UNC79: variants seen among roughly 807,000 people sequenced by gnomAD.
The protein encoded by UNC79 is protein unc-79 homolog.
In UNC79, 37 loss-of-function variants were observed where a neutral mutation model predicts 283.1. The ratio of observed to expected loss-of-function variants is 0.13; its 90% confidence interval spans 0.10 to 0.17. The LOEUF is 0.17. Ranked by LOEUF, UNC79 falls within the 10% of genes least tolerant of loss-of-function variation. The pLI is 1.00. For synonymous variants in UNC79, 1,107 were observed against 1,200.2 expected, an observed-to-expected ratio of 0.92 and a Z score of 1.61; for missense variants, 2,272 against 3,211.1, an observed-to-expected ratio of 0.71 and a Z score of 7.07.
intron 23 of UNC79, 148 bp downstream of exon 23, chr14:93,593,985 A>AGT (rs1241561455): frequency 2.2e-6 from 2 of 919,386 alleles, no homozygotes. Flanking sequence ...TTCTGCTTTG[A>AGT]GCTTCCTCTC....
chr14:93,396,608 T>A (rs2055002764), intron 1 of UNC79, among the ~76,000 whole-genome samples: 1 of 152,146 alleles, frequency 6.6e-6, no homozygotes, highest in Admixed American at 6.6e-5. Flanking sequence ...TTTGTTTTAG[T>A]GTGTTTGTTT....
At chr14:93,573,818 A>G (rs552662074) in intron 16 of UNC79, among the ~76,000 whole-genome samples, 1 of 152,322 alleles carries the variant, frequency 6.6e-6, no homozygotes, top group African/African-American at 2.4e-5. Context: ...CAGCCTGGCC[A>G]ACATGGCCAA....
At chr14:93,678,531 C>CATT (rs1415852892) in intron 41 of UNC79, among the ~76,000 whole-genome samples, 2 of 152,172 alleles carry the variant, frequency 1.3e-5, no homozygotes, top group Non-Finnish European at 2.9e-5. Flanking sequence ...AATACTCTGG[C>CATT]AGTAAGAGAG....
chr14:93,413,566 G>A, intron 1 of UNC79, among the ~76,000 whole-genome samples: 1 of 126,862 alleles, frequency 7.9e-6, no homozygotes, highest in South Asian at 2.9e-4. Context: ...TGGGTCAAAT[G>A]GTATTTCTAG....
At chr14:93,601,480 A>G (rs1596024485) in intron 25 of UNC79, among the ~76,000 whole-genome samples, 1 of 152,340 alleles carries the variant, frequency 6.6e-6, no homozygotes, top group East Asian at 1.9e-4. Context: ...TATGTATACC[A>G]CATTTCCTTT....
chr14:93,584,824 C>A (rs1242889), intron 20 of UNC79, among the ~76,000 whole-genome samples: 1 of 151,166 alleles, frequency 6.6e-6, no homozygotes, highest in Non-Finnish European at 1.5e-5. Flanking sequence ...AGCTTCCTGA[C>A]TAGCTGGGAC....
chr14:93,488,428 C>G (rs1021045212), intron 5 of UNC79, among the ~76,000 whole-genome samples: 1 of 151,676 alleles, frequency 6.6e-6, no homozygotes, highest in Non-Finnish European at 1.5e-5. Context: ...AAAACATGTG[C>G]TAACATGTAA....
chr14:93,385,063 C>T (rs972827083), intron 1 of UNC79, among the ~76,000 whole-genome samples: 2 of 152,190 alleles, frequency 1.3e-5, no homozygotes, highest in East Asian at 3.8e-4. Flanking sequence ...ATGCCAGTAC[C>T]ATGCCACTTT....
At chr14:93,338,588 A>T (rs145168994) in intron 1 of UNC79, among the ~76,000 whole-genome samples, 1,628 of 152,312 alleles carry the variant, frequency 0.011, 21 homozygotes, top group Non-Finnish European at 0.017. Context: ...TTTAGTAAGA[A>T]CAAGACAACC....
intron 1 of UNC79, among the ~76,000 whole-genome samples, chr14:93,335,933 A>G (rs925162392): frequency 6.6e-6 from 1 of 152,186 alleles, no homozygotes; most frequent in Non-Finnish European, 1.5e-5. Context: ...AAAGTCCTGA[A>G]TTTATGTTTT....
intron 11 of UNC79, among the ~76,000 whole-genome samples, chr14:93,537,457 CT>C (rs1361098051): frequency 1.3e-5 from 2 of 152,228 alleles, no homozygotes; most frequent in Non-Finnish European, 2.9e-5. Flanking sequence ...CAGTCTCTGT[CT>C]TTGAATGCAG....
chr14:93,685,353 G>A (rs1218917625), intron 42 of UNC79, among the ~76,000 whole-genome samples: 2 of 152,126 alleles, frequency 1.3e-5, no homozygotes, highest in African/African-American at 4.8e-5. Flanking sequence ...AATAAATCGC[G>A]GGGAAATCCT....
At chr14:93,582,142 C>A in intron 19 of UNC79, 61 bp from the exon 20 acceptor site, 1 of 1,612,614 alleles carries the variant, frequency 6.2e-7, no homozygotes, top group East Asian at 2.2e-5. Flanking sequence ...CTGAGCTGAG[C>A]AAACCGTTCC....
At chr14:93,348,009 G>T in intron 1 of UNC79, 1 of 1,508,810 alleles carries the variant, frequency 6.6e-7, no homozygotes, top group Non-Finnish European at 9.2e-7. Context: ...TCAGCAGCGC[G>T]TGTCATCTTC....
chr14:93,581,884 TG>T (rs1159627823), intron 19 of UNC79, among the ~76,000 whole-genome samples: 1 of 152,224 alleles, frequency 6.6e-6, no homozygotes, highest in East Asian at 1.9e-4. Flanking sequence ...GAGAATGACT[TG>T]ATGAGTGGGA....
intron 1 of UNC79, among the ~76,000 whole-genome samples, chr14:93,387,197 C>A (rs937560714): frequency 2.6e-5 from 4 of 152,134 alleles, no homozygotes; most frequent in African/African-American, 9.7e-5. Flanking sequence ...CCCGCCTCGG[C>A]CTCCCAAAGT....
At chr14:93,415,089 G>A (rs566227484) in intron 1 of UNC79, among the ~76,000 whole-genome samples, 1 of 152,268 alleles carries the variant, frequency 6.6e-6, no homozygotes, top group African/African-American at 2.4e-5. Context: ...GGGCATCCCT[G>A]TCTTGTGCCA....
chr14:93,597,557 G>A lies in UNC79; in HGVS notation c.3372+17G>A, dbSNP rs377151615. 1.9e-6 allele frequency: 3 copies of A among 1,606,096 alleles called. No individual in the cohort carries two copies. Among genetic ancestry groups the A allele is most frequent in the African/African-American group, 1.3e-5 (1 of 74,640 alleles). ...GCATTGCAGGTGACATGTGATTTGT[G>A]TTATCTGCTCCGAAGGTGGTTTGTG... On this transcript the variant is annotated intron_variant, in intron 24 of 48. Coordinates refer to ENST00000555664, the Ensembl canonical transcript of UNC79.
rs201488114 is a variant in UNC79, at chr14:93,420,987, G to A, written c.-350-46684G>A. ...AAGATGGAAGTTCCCAGCTATAAGT[G>A]CCTACATTGTGGAATAAGAAAGCTT... On this transcript the variant is annotated intron_variant, in intron 1 of 49. Transcript: ENST00000256339. Among the ~76,000 whole-genome samples, 13 of 151,694 alleles carry A rather than the reference G, an allele frequency of 8.6e-5. No individual in the cohort carries two copies. In the East Asian group the frequency reaches 2.5e-3, roughly 29 times the overall value.
Sources: gnomAD v4.1 joint callset for allele counts (sites outside exome capture counted in the v4.1 genomes callset) on GRCh38, gnomAD v4.1.1 for gene constraint, MANE v1.5 for transcripts, NCBI Gene and HGNC (gene_info 2026-07-23, HGNC 2026-07-21) for gene names.